FRMD4B: variants seen among roughly 807,000 people sequenced by gnomAD.
FRMD4B encodes the protein FERM domain containing 4B.
A neutral mutation model predicts 141.5 loss-of-function variants in FRMD4B; 74 were observed. The ratio of observed to expected loss-of-function variants is 0.52; its 90% CI spans 0.43 to 0.63. The LOEUF (loss-of-function observed/expected upper bound fraction) is 0.63. FRMD4B is among the 30% of genes least tolerant of loss of function. The probability of loss-of-function intolerance (pLI) is 0.00; values close to 1 mark genes in which losing one functional copy is unlikely to be tolerated. For missense variants in FRMD4B, 1,366 were observed against 1,253.4 expected (o/e 1.09, Z -1.36); for synonymous variants, 506 against 467.9 (o/e 1.08, Z -1.05).
intron 1 of FRMD4B, among the ~76,000 whole-genome samples, chr3:69,434,354 A>C (rs1705228275): frequency 6.6e-6 from 1 of 152,218 alleles, no homozygotes; most frequent in Non-Finnish European, 1.5e-5. Flanking sequence ...AGAAACTCCA[A>C]AGATAATATG....
chr3:69,229,015 GTTT>G (rs58912710), intron 7 of FRMD4B, among the ~76,000 whole-genome samples: 3 of 121,016 alleles, frequency 2.5e-5, no homozygotes, highest in African/African-American at 6.0e-5. Context: ...TCAAAATCAT[GTTT>G]TTTTTTTTTT....
rs545971794 is a variant in FRMD4B at position 69,454,930 on chromosome 3, G to A, written c.-128-22169C>T. ...ACTTGGAGAACTTTCATGTCTAGCC[G>A]GAGGATTGTGTATGCGCCCATCAGC... On this transcript the variant is annotated intron_variant, in intron 1 of 5. Transcript: ENST00000459638. 9.8e-5 allele frequency among the ~76,000 whole-genome samples: 15 copies of A among 152,332 alleles called. 1 individual carries two copies. The highest frequency in any genetic ancestry group is 3.9e-4 in the East Asian group (2 of 5,174).
At chr3:69,311,443 T>C (rs2107224612) in intron 2 of FRMD4B, 86 bp from the exon 3 acceptor site, 1 of 646,508 alleles carries the variant, frequency 1.5e-6, no homozygotes, top group Non-Finnish European at 2.8e-6. Flanking sequence ...TAATTTAAAG[T>C]AGCTTTTGTT....
At chr3:69,487,087 A>C (rs1559542798) in intron 1 of FRMD4B, among the ~76,000 whole-genome samples, 2 of 152,086 alleles carry the variant, frequency 1.3e-5, no homozygotes, top group Non-Finnish European at 2.9e-5. Flanking sequence ...CTTACACCCA[A>C]ACCTTGATGT....
chr3:69,269,071 G>A (rs1697373112), intron 5 of FRMD4B, among the ~76,000 whole-genome samples: 1 of 151,400 alleles, frequency 6.6e-6, no homozygotes, highest in Non-Finnish European at 1.5e-5. Flanking sequence ...TGGGATTACA[G>A]ACATGCACCA....
chr3:69,519,788 C>T (rs1016491224), intron 1 of FRMD4B, among the ~76,000 whole-genome samples: 1 of 151,754 alleles, frequency 6.6e-6, no homozygotes, highest in Admixed American at 6.6e-5. Flanking sequence ...TATCCCTCAC[C>T]CCCTCCCATC....
chr3:69,530,584 C>T (rs887260518), intron 1 of FRMD4B, among the ~76,000 whole-genome samples: 9 of 151,998 alleles, frequency 5.9e-5, no homozygotes, highest in Non-Finnish European at 1.3e-4. Flanking sequence ...AATTACCCAG[C>T]CTCAGGTATA....
At chr3:69,246,349 A>G (rs545937051) in intron 7 of FRMD4B, among the ~76,000 whole-genome samples, 1 of 152,138 alleles carries the variant, frequency 6.6e-6, no homozygotes, top group Non-Finnish European at 1.5e-5. Flanking sequence ...CCAGCCACTC[A>G]GGAGGCTGAG....
chr3:69,535,896 T>C, intron 1 of FRMD4B: 1 of 423,082 alleles, frequency 2.4e-6, no homozygotes, highest in Admixed American at 2.9e-5. Context: ...ATTCTTGACC[T>C]TGCTGACAGT....
intron 1 of FRMD4B, among the ~76,000 whole-genome samples, chr3:69,352,304 A>T (rs1175794068): frequency 6.6e-6 from 1 of 151,800 alleles, no homozygotes; most frequent in African/African-American, 2.4e-5. Flanking sequence ...ATTCCTTTTC[A>T]CTCCTTCGGA....
intron 5 of FRMD4B, among the ~76,000 whole-genome samples, chr3:69,264,620 A>G (rs912172438): frequency 2.0e-5 from 3 of 152,306 alleles, no homozygotes; most frequent in Admixed American, 6.5e-5. Flanking sequence ...ACACACAAAG[A>G]GGTGTTAGAT....
At chr3:69,434,004 C>A (rs1411393432) in intron 1 of FRMD4B, among the ~76,000 whole-genome samples, 2 of 152,174 alleles carry the variant, frequency 1.3e-5, no homozygotes, top group African/African-American at 4.8e-5. Flanking sequence ...GCAGAGCTGG[C>A]ACTGGAATGA....
In FRMD4B at chr3:69,182,713, T is replaced by C. The variant is rs760171258; in HGVS notation, c.1924A>G (p.Met642Val). ...QFVDTRQSRE[M>V]LSTHSSPYKT... ...TAAGGGCTGCTGTGTGTGGACAGCA[T>C]TTCTCTGTGATGATAAAAAGAAGAA... Residue 642 changes from methionine to valine, a missense_variant, in exon 20 of 23, where the codon ATG becomes GTG. Transcript: ENST00000398540. 46 of 1,611,456 alleles carry C rather than the reference T, an allele frequency of 2.9e-5. No individual in the cohort carries two copies. Among genetic ancestry groups the C allele is most frequent in the Non-Finnish European group, 3.9e-5 (46 of 1,179,084 alleles).
Position 69,181,061 on chromosome 3 carries a change from C to G in FRMD4B, c.2689G>C (p.Glu897Gln). Residue 897 changes from glutamate (E) to glutamine (Q), a missense_variant, in exon 21 of 23, where the codon GAG (glutamate) becomes CAG (glutamine). Coordinates refer to ENST00000398540, the MANE Select transcript of FRMD4B (RefSeq NM_015123.3). ...CGCTGGTACCAGCCACGCAAGTGCT[C>G]GGCAACTAAGGCCTTGTGGATGTTT... ...TKNIHKALVA[E>Q]HLRGWYQRAS... 1 of 1,613,952 alleles carries G rather than the reference C, an allele frequency of 6.2e-7. No homozygotes were observed. Among genetic ancestry groups the G allele is most frequent in the Non-Finnish European group, 8.5e-7 (1 of 1,179,868 alleles).
rs143635804 is a variant in FRMD4B at position 69,201,018 on chromosome 3, G to A, written c.877-2244C>T. On this transcript the variant is annotated intron_variant, in intron 11 of 22. Transcript: ENST00000398540. ...CTGTCCCTGCATTGAGAGCAAATAC[G>A]CTCCCTGCAAGCAAAAACTCTACTT... is the stretch of plus-strand genomic sequence containing the variant. 1.1e-3 allele frequency: 313 copies of A among 290,536 alleles called. 3 individuals carry two copies. In the East Asian group the frequency reaches 0.02, roughly 19 times the overall value. 18.0% of individuals were successfully genotyped at this position (290,536 alleles called of 1,614,324 possible).
chr3:69,476,346 T>G (rs1272837440), intron 1 of FRMD4B, among the ~76,000 whole-genome samples: 1 of 152,146 alleles, frequency 6.6e-6, no homozygotes, highest in African/African-American at 2.4e-5. Flanking sequence ...GGTCTAACGT[T>G]TAAGTCTTTA....
intron 1 of FRMD4B, among the ~76,000 whole-genome samples, chr3:69,376,588 G>A (rs758646240): frequency 3.6e-5 from 5 of 138,604 alleles, no homozygotes; most frequent in Non-Finnish European, 7.8e-5. Flanking sequence ...GACTAAAAAG[G>A]ACATTAGGGG....
intron 7 of FRMD4B, among the ~76,000 whole-genome samples, chr3:69,245,351 G>GTTTTTTTTT (rs764318446): frequency 1.4e-5 from 2 of 139,518 alleles, no homozygotes; most frequent in African/African-American, 5.9e-5. Flanking sequence ...GTGTGTGTGT[G>GTTTTTTTTT]TGTTTTTAGA....
At chr3:69,224,580 G>A in intron 8 of FRMD4B, 27 bp downstream of exon 8, 1 of 1,082,622 alleles carries the variant, frequency 9.2e-7, no homozygotes, top group Non-Finnish European at 1.4e-6. Flanking sequence ...ATGAAAATGA[G>A]ACACCTGTTA....
Sources: gnomAD v4.1 joint callset for allele counts (sites outside exome capture counted in the v4.1 genomes callset) on GRCh38, gnomAD v4.1.1 for gene constraint, MANE v1.5 for transcripts, NCBI Gene and HGNC (gene_info 2026-07-23, HGNC 2026-07-21) for gene names.